ADCY2: variants seen among roughly 807,000 people sequenced by gnomAD.
ADCY2 encodes the protein adenylate cyclase 2, also known as adenylate cyclase type 2.
ADCY2 carries 31 observed loss-of-function variants against 125.2 expected under a neutral mutation model. That is an observed-to-expected ratio of 0.25 (90% CI 0.19 to 0.33). ADCY2 has a LOEUF of 0.33. Among genes scored for constraint, ADCY2 ranks in the 10% least tolerant of loss-of-function variants. ADCY2 has a pLI of 1.00. For missense variants in ADCY2, 904 were observed against 1,418.2 expected, an observed-to-expected ratio of 0.64 and a Z score of 5.82; for synonymous variants, 512 against 548.4, an observed-to-expected ratio of 0.93 and a Z score of 0.93.
rs78079362 is a variant in ADCY2 at position 7,751,128 on chromosome 5, A to G, written c.1957-6321A>G. Reference sequence around the variant, plus strand: ...CAGTTCATCCAGTTCCTCAATAACCATTTAGTTTTTAATTTCAATATCTAC... The same window carrying G: ...CAGTTCATCCAGTTCCTCAATAACCGTTTAGTTTTTAATTTCAATATCTAC... On this transcript the variant is annotated intron_variant, in intron 15 of 24. Coordinates refer to ENST00000338316, the MANE Select transcript of ADCY2 (RefSeq NM_020546.3). Among the ~76,000 whole-genome samples the G allele has an allele frequency of 5.9e-3, 905 of 152,210 alleles. 12 individuals are homozygous for G. Among genetic ancestry groups the G allele is most frequent in the African/African-American group, 0.021 (864 of 41,502 alleles).
intron 4 of ADCY2, among the ~76,000 whole-genome samples, chr5:7,652,015 G>C: frequency 6.6e-6 from 1 of 152,024 alleles, no homozygotes; most frequent in East Asian, 1.9e-4. Context: ...TGTTGACCAG[G>C]ATGGCCTCTA....
chr5:7,422,708 C>G (rs1740249147), intron 2 of ADCY2, among the ~76,000 whole-genome samples: 1 of 152,186 alleles, frequency 6.6e-6, no homozygotes, highest in South Asian at 2.1e-4. Context: ...GGAAGGAGAG[C>G]CTTTCTTTGT....
In ADCY2 at chr5:7,820,981, C is replaced by G. The variant is rs887258395; in HGVS notation, c.3123+292C>G. Among the ~76,000 whole-genome samples, 6 of 152,178 alleles carry G rather than the reference C, an allele frequency of 3.9e-5. No homozygotes were observed. The South Asian group carries it at 1.2e-3, about 32-fold the overall frequency. On this transcript the variant is annotated intron_variant, in intron 24 of 24. Transcript: ENST00000338316. The stretch of plus-strand genomic sequence containing the variant: ...CCCTGAGCATTCAGTACAGGAGAAC[C>G]TTTATTACTTCTCCTGGTGCTAATA...
At chr5:7,548,737 G>A (rs904261833) in intron 3 of ADCY2, among the ~76,000 whole-genome samples, 2 of 152,138 alleles carry the variant, frequency 1.3e-5, no homozygotes, top group Non-Finnish European at 2.9e-5. Flanking sequence ...AAGTGGAGTC[G>A]AGTTGACACA....
chr5:7,511,845 CTG>C (rs1353395255), intron 2 of ADCY2, among the ~76,000 whole-genome samples: 2 of 151,840 alleles, frequency 1.3e-5, no homozygotes, highest in African/African-American at 2.4e-5. Context: ...GGATGGGAGA[CTG>C]GAGATAGCAC....
At chr5:7,425,134 C>G (rs1017408750) in intron 2 of ADCY2, among the ~76,000 whole-genome samples, 7 of 152,164 alleles carry the variant, frequency 4.6e-5, no homozygotes, top group Non-Finnish European at 1.0e-4. Context: ...CTCAGGGCAT[C>G]TGGAAGAGCC....
chr5:7,485,518 A>G (rs1260074942), intron 2 of ADCY2, among the ~76,000 whole-genome samples: 1 of 152,242 alleles, frequency 6.6e-6, no homozygotes, highest in Non-Finnish European at 1.5e-5. Context: ...CAGAAGAGAT[A>G]CACACATATT....
In ADCY2 at chr5:7,830,076, T is replaced by G. The variant is rs1745596645; in HGVS notation, c.*3205T>G. ...GCCTGGGTGACAGAGCGAGACTCTG[T>G]CTCAGAAAAAAAAAGAAAAAAAAGA... On this transcript the variant is annotated 3_prime_UTR_variant, in exon 25 of 25. Transcript: ENST00000338316. 8.2e-6 allele frequency: 1 copy of G among 122,186 alleles called. No individual in the cohort carries two copies. The highest frequency in any genetic ancestry group is 9.3e-5 in the Admixed American group (1 of 10,774). The allele number at this position is 122,186 out of a possible 1,614,324, so 7.6% of individuals were successfully genotyped here.
At chr5:7,550,344 T>C (rs1275824832) in intron 3 of ADCY2, among the ~76,000 whole-genome samples, 1 of 152,226 alleles carries the variant, frequency 6.6e-6, no homozygotes, top group African/African-American at 2.4e-5. Flanking sequence ...TAAAAATCCC[T>C]GTCCCCAGAA....
chr5:7,683,805 TTC>T (rs1363849418), intron 4 of ADCY2, among the ~76,000 whole-genome samples: 1 of 152,198 alleles, frequency 6.6e-6, no homozygotes, highest in East Asian at 1.9e-4. Context: ...TAAAAAAATA[TTC>T]TGTTTTGCTC....
At chr5:7,491,982 G>A (rs570435782) in intron 2 of ADCY2, among the ~76,000 whole-genome samples, 1 of 152,344 alleles carries the variant, frequency 6.6e-6, no homozygotes, top group Admixed American at 6.5e-5. Context: ...ACAGCACTGA[G>A]TAACACAGGG....
chr5:7,613,371 G>A (rs1737639384), intron 3 of ADCY2, among the ~76,000 whole-genome samples: 1 of 152,156 alleles, frequency 6.6e-6, no homozygotes, highest in East Asian at 1.9e-4. Flanking sequence ...CCTCATGAAA[G>A]GAAGATATTC....
chr5:7,623,519 C>T (rs1288557778), intron 3 of ADCY2, among the ~76,000 whole-genome samples: 1 of 152,204 alleles, frequency 6.6e-6, no homozygotes, highest in East Asian at 1.9e-4. Flanking sequence ...GTGCTGAAAT[C>T]AACTCCTGTT....
chr5:7,545,926 G>C (rs948071648), intron 3 of ADCY2, among the ~76,000 whole-genome samples: 13 of 152,166 alleles, frequency 8.5e-5, no homozygotes, highest in African/African-American at 2.9e-4. Flanking sequence ...GGTGTGTGCA[G>C]ACGGGGATTA....
intron 3 of ADCY2, among the ~76,000 whole-genome samples, chr5:7,595,928 C>T (rs1579612434): frequency 6.6e-6 from 1 of 152,128 alleles, no homozygotes; most frequent in East Asian, 1.9e-4. Context: ...TTTTGATCTG[C>T]AGTTGGTTGA....
chr5:7,513,637 T>C (rs1285332319), intron 2 of ADCY2, among the ~76,000 whole-genome samples: 2 of 152,190 alleles, frequency 1.3e-5, no homozygotes, highest in African/African-American at 2.4e-5. Context: ...TTAATATGTT[T>C]AAGAATTCTA....
At chr5:7,724,661 T>C in intron 13 of ADCY2, 47 bp downstream of exon 13, 6 of 1,361,334 alleles carry the variant, frequency 4.4e-6, no homozygotes, top group Non-Finnish European at 6.2e-6. Context: ...TTTCTGAAAT[T>C]TGAATTTCTT....
chr5:7,769,265 T>G (rs1011911947), intron 17 of ADCY2, among the ~76,000 whole-genome samples: 1 of 152,080 alleles, frequency 6.6e-6, no homozygotes, highest in African/African-American at 2.4e-5. Context: ...GAAAACAACC[T>G]AAAAATATGA....
chr5:7,628,745 T>C (rs1738212806), intron 4 of ADCY2, among the ~76,000 whole-genome samples: 1 of 152,024 alleles, frequency 6.6e-6, no homozygotes, highest in South Asian at 2.1e-4. Context: ...TCGGAGAATA[T>C]GTGTCTACGA....
Sources: gnomAD v4.1 joint callset for allele counts (sites outside exome capture counted in the v4.1 genomes callset) on GRCh38, gnomAD v4.1.1 for gene constraint, MANE v1.5 for transcripts, NCBI Gene and HGNC (gene_info 2026-07-23, HGNC 2026-07-21) for gene names.